Variants in JAZF1 observed in about 807,000 individuals in gnomAD.
JAZF1 encodes juxtaposed with another zinc finger protein 1.
Under a neutral mutation model 26.4 loss-of-function variants are expected in JAZF1, and 8 were observed. The ratio of observed to expected loss-of-function variants is 0.30; its 90% CI spans 0.18 to 0.55. JAZF1 has a LOEUF of 0.55. Among genes scored for constraint, JAZF1 ranks in the 20% least tolerant of loss-of-function variants. The probability of loss-of-function intolerance (pLI) is 0.94; values close to 1 mark genes in which losing one functional copy is unlikely to be tolerated. For synonymous variants in JAZF1, 126 were observed against 122.3 expected, an observed-to-expected ratio of 1.03 and a Z score of -0.20; for missense variants, 199 against 322.0, an observed-to-expected ratio of 0.62 and a Z score of 2.92.
At chr7:28,165,435 T>C (rs1783353606) in intron 1 of JAZF1, among the ~76,000 whole-genome samples, 1 of 151,996 alleles carries the variant, frequency 6.6e-6, no homozygotes, top group Admixed American at 6.5e-5. Flanking sequence ...TATTTGAATG[T>C]TATAAAAAAG....
intron 4 of JAZF1, among the ~76,000 whole-genome samples, chr7:27,838,666 C>T (rs1020842478): frequency 2.6e-4 from 40 of 152,132 alleles, no homozygotes; most frequent in South Asian, 4.1e-4. Flanking sequence ...AAATACTAAT[C>T]GCACTGGAGC....
intron 1 of JAZF1, among the ~76,000 whole-genome samples, chr7:27,997,291 A>G (rs1419613342): frequency 6.6e-6 from 1 of 152,170 alleles, no homozygotes; most frequent in Non-Finnish European, 1.5e-5. Flanking sequence ...CACTAAAGCA[A>G]GACACCAACA....
At chr7:27,962,219 T>A (rs1318700072) in intron 2 of JAZF1, among the ~76,000 whole-genome samples, 2 of 152,180 alleles carry the variant, frequency 1.3e-5, no homozygotes, top group Non-Finnish European at 2.9e-5. Context: ...CAAGAGGAAA[T>A]ACACATAGGT....
chr7:27,989,370 T>C (rs777581817), intron 2 of JAZF1, among the ~76,000 whole-genome samples: 10 of 152,298 alleles, frequency 6.6e-5, no homozygotes, highest in Non-Finnish European at 1.3e-4. Flanking sequence ...ATTCAGGCCA[T>C]AGGCATGGAC....
At chr7:27,993,417 C>A (rs1369427153) in intron 1 of JAZF1, among the ~76,000 whole-genome samples, 2 of 152,160 alleles carry the variant, frequency 1.3e-5, no homozygotes, top group East Asian at 1.9e-4. Flanking sequence ...AACAAAAAAA[C>A]CACTCTTCAC....
intron 2 of JAZF1, among the ~76,000 whole-genome samples, chr7:27,906,831 T>C (rs935333189): frequency 6.6e-6 from 1 of 152,264 alleles, no homozygotes; most frequent in African/African-American, 2.4e-5. Context: ...CACATGGTTT[T>C]CATTGCTAAT....
At chr7:27,973,812 C>T (rs1350399243) in intron 2 of JAZF1, among the ~76,000 whole-genome samples, 2 of 152,264 alleles carry the variant, frequency 1.3e-5, no homozygotes, top group East Asian at 3.9e-4. Context: ...CAGACTGATG[C>T]TTTCTACAGC....
chr7:27,952,110 T>C (rs975685687), intron 2 of JAZF1, among the ~76,000 whole-genome samples: 3 of 152,214 alleles, frequency 2.0e-5, no homozygotes, highest in Non-Finnish European at 4.4e-5. Context: ...ATAATGAGTT[T>C]GTGTTCACTT....
intron 1 of JAZF1, among the ~76,000 whole-genome samples, chr7:28,049,910 G>A (rs1441003821): frequency 6.6e-6 from 1 of 152,040 alleles, no homozygotes; most frequent in Non-Finnish European, 1.5e-5. Context: ...CATGCTTTAG[G>A]AATTTTTATG....
chr7:28,104,723 T>G (rs866343078), intron 1 of JAZF1, among the ~76,000 whole-genome samples: 6 of 152,314 alleles, frequency 3.9e-5, no homozygotes, highest in Non-Finnish European at 7.4e-5. Context: ...TGGAACGTAT[T>G]AGGTTCGCAG....
intron 1 of JAZF1, among the ~76,000 whole-genome samples, chr7:28,012,596 A>T (rs1341056057): frequency 6.6e-6 from 1 of 152,108 alleles, no homozygotes; most frequent in African/African-American, 2.4e-5. Flanking sequence ...GATAGGAGGG[A>T]AGAGGGAGTT....
chr7:27,840,496 C>T lies in JAZF1; in HGVS notation c.555+202G>A, dbSNP rs985585178. On this transcript the variant is annotated intron_variant, in intron 4 of 4. Coordinates refer to ENST00000283928, the MANE Select transcript of JAZF1 (RefSeq NM_175061.4). The surrounding 1 kb of genome is among the most constrained non-coding windows in gnomAD (Gnocchi z 5.1). The stretch of plus-strand genomic sequence containing the variant: ...CGTAGGTGAGCAGAGGGGAAAGCCC[C>T]GGCAGCAGCGGTGGCGGGTGAGCAC... Among the ~76,000 whole-genome samples, 9 of 152,100 alleles carry T rather than the reference C, an allele frequency of 5.9e-5. No homozygotes were observed. Among genetic ancestry groups the T allele is most frequent in the Non-Finnish European group, 1.0e-4 (7 of 68,042 alleles).
intron 1 of JAZF1, among the ~76,000 whole-genome samples, chr7:28,102,379 C>T (rs553529317): frequency 1.1e-3 from 173 of 152,336 alleles, no homozygotes; most frequent in Non-Finnish European, 2.0e-3. Context: ...CCAGAGCATG[C>T]TTAAGGCTCT....
At chr7:27,899,798 G>C (rs1172007761) in intron 2 of JAZF1, among the ~76,000 whole-genome samples, 1 of 152,148 alleles carries the variant, frequency 6.6e-6, no homozygotes, top group Non-Finnish European at 1.5e-5. Flanking sequence ...ATTTGTTACA[G>C]TAACTGTGAA....
intron 4 of JAZF1, among the ~76,000 whole-genome samples, chr7:27,837,237 A>G (rs1583422616): frequency 6.6e-6 from 1 of 152,262 alleles, no homozygotes. Flanking sequence ...TCAAAGGTTA[A>G]GCACTTCAAC....
At chr7:27,940,790 T>C (rs1219137523) in intron 2 of JAZF1, among the ~76,000 whole-genome samples, 3 of 152,226 alleles carry the variant, frequency 2.0e-5, no homozygotes, top group African/African-American at 7.2e-5. Context: ...TTACTGTGGA[T>C]TCTGTATCTG....
chr7:27,888,377 A>G (rs1361661897), intron 3 of JAZF1, among the ~76,000 whole-genome samples: 1 of 152,056 alleles, frequency 6.6e-6, no homozygotes, highest in Non-Finnish European at 1.5e-5. Flanking sequence ...GATGTATGTT[A>G]GTTTATACTT....
chr7:27,955,921 G>C (rs916581234), intron 2 of JAZF1, among the ~76,000 whole-genome samples: 1 of 152,174 alleles, frequency 6.6e-6, no homozygotes, highest in East Asian at 1.9e-4. Flanking sequence ...ACCTACAGCA[G>C]GTCCCAAACT....
At chr7:28,168,744 A>C (rs1783408476) in intron 1 of JAZF1, among the ~76,000 whole-genome samples, 1 of 152,226 alleles carries the variant, frequency 6.6e-6, no homozygotes, top group Admixed American at 6.5e-5. Flanking sequence ...GCCTCCAGTA[A>C]AACTAAAAAC....
Sources: gnomAD v4.1 joint callset for allele counts (sites outside exome capture counted in the v4.1 genomes callset) on GRCh38, gnomAD v4.1.1 for gene constraint, Gnocchi (gnomAD v3.1) non-coding constraint, MANE v1.5 for transcripts, NCBI Gene and HGNC (gene_info 2026-07-23, HGNC 2026-07-21) for gene names.